Variants in PLXNA4 observed in about 807,000 individuals in gnomAD.
PLXNA4 encodes plexin A4.
In PLXNA4, 44 loss-of-function variants were observed where a neutral mutation model predicts 191.8. That is an observed-to-expected ratio of 0.23 (90% confidence interval 0.18 to 0.29). The LOEUF is 0.29. PLXNA4 is among the 10% of genes least tolerant of loss of function. The pLI, the probability that PLXNA4 is intolerant of heterozygous loss-of-function variation, is 1.00. For synonymous variants in PLXNA4, 1,082 were observed against 1,009.5 expected (o/e 1.07, Z -1.36); for missense variants, 1,800 against 2,488.8 (o/e 0.72, Z 5.89).
intron 1 of PLXNA4, among the ~76,000 whole-genome samples, chr7:132,526,754 G>A (rs1417775266): frequency 1.3e-5 from 2 of 152,190 alleles, no homozygotes; most frequent in Non-Finnish European, 2.9e-5. Context: ...AGTCATCCAG[G>A]TGGCTCTCAA....
chr7:132,578,156 C>T (rs573240075), upstream of PLXNA4, among the ~76,000 whole-genome samples: 91 of 152,142 alleles, frequency 6.0e-4, no homozygotes, highest in Non-Finnish European at 1.1e-3. Flanking sequence ...ACCTCCCAAA[C>T]CTCTGCCTAG....
intron 3 of PLXNA4, among the ~76,000 whole-genome samples, chr7:132,314,329 GT>G (rs563219977): frequency 1.5e-3 from 222 of 152,286 alleles, no homozygotes; most frequent in African/African-American, 5.2e-3. Flanking sequence ...AAATAGTAGG[GT>G]TTATTTCCCA....
intron 4 of PLXNA4, among the ~76,000 whole-genome samples, chr7:132,268,420 C>A (rs1218840369): frequency 6.6e-6 from 1 of 152,208 alleles, no homozygotes; most frequent in African/African-American, 2.4e-5. Context: ...TGGCTTTCTG[C>A]CCACTCTGTG....
At chr7:132,359,896 G>A (rs117402916) in intron 3 of PLXNA4, among the ~76,000 whole-genome samples, 1 of 152,138 alleles carries the variant, frequency 6.6e-6, no homozygotes, top group Non-Finnish European at 1.5e-5. Flanking sequence ...ATCCCCTTGG[G>A]AGCAGTGACC....
chr7:132,210,908 C>T (rs770342902), intron 10 of PLXNA4, 35 bp downstream of exon 10: 3 of 1,596,578 alleles, frequency 1.9e-6, no homozygotes, highest in African/African-American at 1.3e-5. Context: ...GGGACTGGGG[C>T]CTGGTTTGGC....
At chr7:132,300,064 C>G (rs1801246634) in intron 3 of PLXNA4, among the ~76,000 whole-genome samples, 1 of 152,126 alleles carries the variant, frequency 6.6e-6, no homozygotes, top group African/African-American at 2.4e-5. Context: ...TTGGGACTTC[C>G]TAGTTACTGC....
chr7:132,606,782 C>T (rs778515489), intron 2 of PLXNA4, among the ~76,000 whole-genome samples: 1 of 152,316 alleles, frequency 6.6e-6, no homozygotes, highest in East Asian at 1.9e-4. Flanking sequence ...GAGGAGGGAG[C>T]ACCTGATATA....
In PLXNA4 at chr7:132,132,422, GTT is replaced by G. The variant is rs1563047972; in HGVS notation, c.5589+625_5589+626del. ...GTTCTGTTCTGTTCTGTTCTGTTCT[GTT>G]CTGTTCTGTTCTGTTCTGTTCTGTT... On this transcript the variant is annotated intron_variant, in intron 31 of 31. Transcript: ENST00000321063. Among the ~76,000 whole-genome samples the G allele has an allele frequency of 1.9e-3, 145 of 76,106 alleles. 1 individual carries two copies. Among genetic ancestry groups the G allele is most frequent in the African/African-American group, 6.4e-3 (132 of 20,720 alleles). 49.9% of individuals were successfully genotyped at this position (76,106 alleles called of 152,430 possible).
chr7:132,306,496 A>G (rs1038179000), intron 3 of PLXNA4, among the ~76,000 whole-genome samples: 5 of 152,208 alleles, frequency 3.3e-5, no homozygotes, highest in African/African-American at 4.8e-5. Context: ...GATCTCTCTC[A>G]GGAGGGAGCA....
At chr7:132,564,469 G>A (rs546764062) in intron 1 of PLXNA4, among the ~76,000 whole-genome samples, 189 of 151,714 alleles carry the variant, frequency 1.2e-3, no homozygotes, top group South Asian at 2.1e-3. Flanking sequence ...ATGGGTGCCC[G>A]TCTTCCTATT....
intron 2 of PLXNA4, among the ~76,000 whole-genome samples, chr7:132,623,431 A>G (rs544506146): frequency 8.3e-4 from 127 of 152,318 alleles, no homozygotes; most frequent in Non-Finnish European, 6.2e-4. Context: ...TTACATTCCA[A>G]TAATGACAAC....
At chr7:132,518,849 C>T (rs1474957824) in intron 1 of PLXNA4, among the ~76,000 whole-genome samples, 2 of 152,176 alleles carry the variant, frequency 1.3e-5, no homozygotes, top group East Asian at 3.9e-4. Flanking sequence ...TCCTTTCCCT[C>T]CCCCAGGCCT....
At chr7:132,491,375 A>C (rs1276585495) in intron 2 of PLXNA4, among the ~76,000 whole-genome samples, 2 of 152,090 alleles carry the variant, frequency 1.3e-5, no homozygotes, top group Non-Finnish European at 2.9e-5. Context: ...AGGCTCCTCC[A>C]CTCCCTCCCA....
intron 2 of PLXNA4, among the ~76,000 whole-genome samples, chr7:132,622,169 G>C (rs1315230958): frequency 3.9e-5 from 6 of 152,114 alleles, no homozygotes; most frequent in Admixed American, 2.6e-4. Flanking sequence ...CTTCCATGCT[G>C]TCCTCTCTTC....
At chr7:132,148,706 A>T (rs2598199) in intron 25 of PLXNA4, 60 bp from the exon 26 acceptor site, 159,737 of 1,609,302 alleles carry the variant, frequency 0.099, 26,200 homozygotes, top group African/African-American at 0.77. Flanking sequence ...GGGGAAGCTG[A>T]GGACCCTGTG....
intron 3 of PLXNA4, among the ~76,000 whole-genome samples, chr7:132,377,391 GAC>G (rs1804699106): frequency 1.5e-5 from 2 of 132,784 alleles, no homozygotes; most frequent in South Asian, 4.7e-4. Flanking sequence ...AGCTTTTCCA[GAC>G]ACAGTCTTCT....
At chr7:132,515,630 T>C (rs530883505) in intron 1 of PLXNA4, among the ~76,000 whole-genome samples, 3 of 152,188 alleles carry the variant, frequency 2.0e-5, no homozygotes, top group Non-Finnish European at 4.4e-5. Flanking sequence ...TGTTCGAACG[T>C]GTGTGCACGT....
rs1794982991 is a variant in PLXNA4, at chr7:132,132,472, G to GTT, written c.5589+576_5589+577insAA. ...GTTCTGTTCTGTTCTGTTCTGCTCTGCTCTGCTCTGCTCTGCTCTATTCTT... is the reference window on the plus strand; with the variant it reads ...GTTCTGTTCTGTTCTGTTCTGCTCTGTTCTCTGCTCTGCTCTGCTCTATTCTT... On this transcript the variant is annotated intron_variant, in intron 31 of 31. Coordinates refer to ENST00000321063, the MANE Select transcript of PLXNA4 (RefSeq NM_020911.2). Among the ~76,000 whole-genome samples the GTT allele has an allele frequency of 3.9e-5, 2 of 50,962 alleles. 1 individual carries two copies. Among genetic ancestry groups the GTT allele is most frequent in the African/African-American group, 1.7e-4 (2 of 12,092 alleles). 33.4% of individuals were successfully genotyped at this position (50,962 alleles called of 152,430 possible).
At chr7:132,606,183 C>T (rs1208085267) in intron 2 of PLXNA4, among the ~76,000 whole-genome samples, 6 of 152,012 alleles carry the variant, frequency 3.9e-5, no homozygotes, top group Non-Finnish European at 8.8e-5. Flanking sequence ...AAAAGAAGCA[C>T]GGAGAATTGA....
Sources: allele counts gnomAD v4.1 joint callset (sites outside exome capture counted in the v4.1 genomes callset), GRCh38; gene constraint gnomAD v4.1.1; transcripts MANE v1.5; gene names NCBI Gene and HGNC (gene_info 2026-07-23, HGNC 2026-07-21).